PISD: variants seen among roughly 807,000 people sequenced by gnomAD.
PISD encodes phosphatidylserine decarboxylase proenzyme, mitochondrial.
In PISD, 31 loss-of-function variants were observed where a neutral mutation model predicts 43.5. That is an observed-to-expected ratio of 0.71 (90% CI 0.54 to 0.96). The LOEUF is 0.96. Ranked by LOEUF, PISD falls within the 40% of genes least tolerant of loss-of-function variation. The pLI is 0.00. For missense variants in PISD, 523 were observed against 548.4 expected, an observed-to-expected ratio of 0.95 and a Z score of 0.46; for synonymous variants, 259 against 228.7, an observed-to-expected ratio of 1.13 and a Z score of -1.20.
chr22:31,643,102 C>CAAA (rs79749046), intron 3 of PISD, among the ~76,000 whole-genome samples: 1 of 60,554 alleles, frequency 1.7e-5, no homozygotes, highest in Non-Finnish European at 3.8e-5. Flanking sequence ...AATGCCATCT[C>CAAA]AAAAAAAAAA....
chr22:31,655,550 T>A (rs1422025018), intron 1 of PISD, among the ~76,000 whole-genome samples: 5 of 152,100 alleles, frequency 3.3e-5, no homozygotes, highest in African/African-American at 1.2e-4. Flanking sequence ...AACTCCTGGA[T>A]TCAAGTGATC....
At chr22:31,621,575 G>A (rs749989572) in intron 4 of PISD, 74 bp downstream of exon 4, 1 of 1,596,694 alleles carries the variant, frequency 6.3e-7, no homozygotes, top group Non-Finnish European at 8.6e-7. Context: ...CAGATACGCT[G>A]GAGACCAGGG....
At chr22:31,623,675 C>G (rs2072709719) in intron 3 of PISD, 2 of 1,610,790 alleles carry the variant, frequency 1.2e-6, no homozygotes. Context: ...GGGGCCTGTG[C>G]ACACTTACCC....
At chr22:31,639,806 G>A (rs1425333680) in intron 3 of PISD, among the ~76,000 whole-genome samples, 7 of 152,214 alleles carry the variant, frequency 4.6e-5, no homozygotes, top group Admixed American at 2.0e-4. Flanking sequence ...CTCACTCACC[G>A]CGGCTCTGAG....
chr22:31,642,099 T>A (rs1365263125), intron 3 of PISD, among the ~76,000 whole-genome samples: 2 of 150,948 alleles, frequency 1.3e-5, no homozygotes, highest in African/African-American at 5.0e-5. Flanking sequence ...TATACCAGAA[T>A]CAACTGAGGT....
rs2072295601 is a variant in PISD, at chr22:31,618,879, G to A, written c.*733C>T. 6.2e-6 allele frequency: 1 copy of A among 162,128 alleles called. No homozygotes were observed. The highest frequency in any genetic ancestry group is 2.4e-5 in the African/African-American group (1 of 41,540). 10.0% of individuals were successfully genotyped at this position (162,128 alleles called of 1,614,324 possible). A position where few individuals can be genotyped will look rare whatever the true frequency, so the allele number is the denominator to read the frequency against. The stretch of plus-strand genomic sequence containing the variant: ...GCTGGGCCTACTACCTGCCTGCCCT[G>A]TTCACTCTGGTGCCATGAGGCAGGT... On this transcript the variant is annotated 3_prime_UTR_variant, in exon 8 of 8. Transcript: ENST00000439502.
At position 31,633,877 on chromosome 22, in the gene PISD, T is replaced by C. The variant is rs1169583228; in HGVS notation, c.322-11992A>G. On this transcript the variant is annotated intron_variant, in intron 3 of 7. Transcript: ENST00000439502. ...ACAATCACTTACAAGTGAATTTCCA[T>C]TAGGGAAAAAAAATTGTCTGGAAAT... Among the ~76,000 whole-genome samples the C allele has an allele frequency of 2.0e-5, 3 of 152,346 alleles. No individual in the cohort carries two copies. The East Asian group carries it at 5.8e-4, about 29-fold the overall frequency.
chr22:31,633,680 A>T (rs2073301403), intron 3 of PISD, among the ~76,000 whole-genome samples: 1 of 151,972 alleles, frequency 6.6e-6, no homozygotes, highest in Non-Finnish European at 1.5e-5. Flanking sequence ...GTACCATAGC[A>T]CTCCAGCCTG....
At chr22:31,629,060 AT>A (rs1181883642) in intron 3 of PISD, 1 of 985,328 alleles carries the variant, frequency 1.0e-6, no homozygotes, top group African/African-American at 1.7e-5. Context: ...TGTTTTGGGG[AT>A]CCATACCAGA....
chr22:31,649,382 C>T (rs1204937877), intron 2 of PISD, among the ~76,000 whole-genome samples: 8 of 152,146 alleles, frequency 5.3e-5, no homozygotes, highest in Admixed American at 5.2e-4. Flanking sequence ...CCCTGAGTAC[C>T]TTAGAAGGTG....
In PISD at chr22:31,637,153, AAAAAAAAAAAAATATATATAT is replaced by A. The variant is rs1260478743; in HGVS notation, c.321+10927_321+10947del. On this transcript the variant is annotated intron_variant, in intron 3 of 7. Coordinates refer to ENST00000439502, the MANE Select transcript of PISD (RefSeq NM_001326411.2). ...TAATAATAAATAAATTAAAAAAAAA[AAAAAAAAAAAAATATATATAT>A]ATATATATATATATATATATATATA... 3.3e-3 allele frequency among the ~76,000 whole-genome samples: 111 copies of A among 33,466 alleles called. 4 individuals carry two copies. Among genetic ancestry groups the A allele is most frequent in the East Asian group, 5.0e-3 (6 of 1,190 alleles). 22.0% of individuals were successfully genotyped at this position (33,466 alleles called of 152,430 possible).
intron 3 of PISD, among the ~76,000 whole-genome samples, chr22:31,632,496 A>G (rs1384596918): frequency 6.6e-6 from 1 of 152,208 alleles, no homozygotes; most frequent in Non-Finnish European, 1.5e-5. Context: ...AGCCAGGGCT[A>G]CTGTCTGTGT....
At chr22:31,654,821 A>C (rs1429607545) in intron 1 of PISD, among the ~76,000 whole-genome samples, 2 of 152,138 alleles carry the variant, frequency 1.3e-5, no homozygotes, top group African/African-American at 4.8e-5. Flanking sequence ...CACACCTGTA[A>C]TCCTAATACT....
At chr22:31,628,134 C>G (rs1461372330) in intron 3 of PISD, 1 of 985,578 alleles carries the variant, frequency 1.0e-6, no homozygotes, top group Non-Finnish European at 1.2e-6. Flanking sequence ...CTGTGGGCCC[C>G]AGAAGATCGC....
Position 31,620,605 on chromosome 22 carries a change from A to C in PISD, c.953T>G (p.Leu318Arg). 6.2e-7 allele frequency: 1 copy of C among 1,614,234 alleles called. No homozygotes were observed. The highest frequency in any genetic ancestry group is 8.5e-7 in the Non-Finnish European group (1 of 1,180,032). ...TGDWKHGFFS[L>R]TAVGATNVGS... ...CACGTTGGTGGCCCCCACAGCTGTC[A>C]GTGAGAAGAAGCCATGTTTCCAGTC... Residue 318 changes from leucine to arginine, a missense_variant, in exon 7 of 8, where the codon CTG becomes CGG. Transcript: ENST00000439502.
At chr22:31,635,150 G>C (rs889689542) in intron 3 of PISD, among the ~76,000 whole-genome samples, 10 of 143,742 alleles carry the variant, frequency 7.0e-5, no homozygotes, top group Non-Finnish European at 1.2e-4. Context: ...TGGGCAACAA[G>C]AGTAAAACTC....
intron 6 of PISD, 102 bp from the exon 7 acceptor site, chr22:31,620,815 C>T (rs2072515309): frequency 6.7e-7 from 1 of 1,483,382 alleles, no homozygotes. Flanking sequence ...GCCCCGATGT[C>T]ACTCCAAATG....
intron 3 of PISD, among the ~76,000 whole-genome samples, chr22:31,637,167 ATATATATATAT>A (rs2073519222): frequency 1.6e-4 from 3 of 19,226 alleles, no homozygotes; most frequent in Admixed American, 6.3e-4. Flanking sequence ...AAAAAAAAAT[ATATATATATAT>A]ATATATATAT....
chr22:31,624,703 G>A (rs2072783490), intron 3 of PISD, among the ~76,000 whole-genome samples: 1 of 131,846 alleles, frequency 7.6e-6, no homozygotes, highest in African/African-American at 3.0e-5. Flanking sequence ...CCTCCTTTCA[G>A]CAAAGGTGGA....
Sources: gnomAD v4.1 joint callset for allele counts (sites outside exome capture counted in the v4.1 genomes callset) on GRCh38, gnomAD v4.1.1 for gene constraint, MANE v1.5 for transcripts, NCBI Gene and HGNC (gene_info 2026-07-23, HGNC 2026-07-21) for gene names.